Variants in DNAJC7 observed in about 807,000 individuals in gnomAD.
DNAJC7 encodes dnaJ homolog subfamily C member 7.
A neutral mutation model predicts 67.4 loss-of-function variants in DNAJC7; 18 were observed. That is an observed-to-expected ratio of 0.27 (90% CI 0.18 to 0.40). The LOEUF (loss-of-function observed/expected upper bound fraction) is 0.40. DNAJC7 is among the 10% of genes least tolerant of loss of function. DNAJC7 has a pLI of 1.00. For synonymous variants in DNAJC7, 220 were observed against 207.8 expected, an observed-to-expected ratio of 1.06 and a Z score of -0.50; for missense variants, 419 against 613.8, an observed-to-expected ratio of 0.68 and a Z score of 3.35.
In DNAJC7 at chr17:41,988,908, A is replaced by G. The variant is rs372858567; in HGVS notation, c.754-12T>C. On this transcript the variant is annotated splice_polypyrimidine_tract_variant and intron_variant, in intron 7 of 13. Transcript: ENST00000457167. ...AGTGCTTTGGCATTCTACAGAAAAA[A>G]GCAAGGGGAGGATCGGTTCATATCC... is the stretch of plus-strand genomic sequence containing the variant. 5.0e-6 allele frequency: 8 copies of G among 1,612,654 alleles called. No homozygotes were observed. Among genetic ancestry groups the G allele is most frequent in the Non-Finnish European group, 6.8e-6 (8 of 1,179,618 alleles).
At chr17:41,982,185 G>A in intron 11 of DNAJC7, 70 bp downstream of exon 11, 1 of 1,598,686 alleles carries the variant, frequency 6.3e-7, no homozygotes, top group Non-Finnish European at 8.5e-7. Context: ...GGTCCCCTCT[G>A]GACTGAGTGT....
intron 1 of DNAJC7, among the ~76,000 whole-genome samples, chr17:42,010,273 C>T (rs1356627366): frequency 2.0e-5 from 3 of 146,878 alleles, no homozygotes; most frequent in South Asian, 2.1e-4. Context: ...CACCTGAGGT[C>T]GGGAGTTCGA....
chr17:42,000,512 C>T lies in DNAJC7; in HGVS notation c.136G>A (p.Glu46Lys). Reference sequence around the variant, plus strand: ...GCTTTTGTATAATAATTATAAGCTTCATTGTAATCTTTCTTGGCATAGTAT... The same window carrying T: ...GCTTTTGTATAATAATTATAAGCTTTATTGTAATCTTTCTTGGCATAGTAT... ...NAYYAKKDYN[E>K]AYNYYTKAID... Residue 46 changes from glutamate to lysine, a missense_variant, in exon 2 of 14, where the codon GAA becomes AAA. By Grantham distance (56) the Glu-to-Lys change is moderately conservative. Coordinates refer to ENST00000457167, the MANE Select transcript of DNAJC7 (RefSeq NM_003315.4). 3 of 1,611,502 alleles carry T rather than the reference C, an allele frequency of 1.9e-6. No homozygotes were observed. The highest frequency in any genetic ancestry group is 2.5e-6 in the Non-Finnish European group (3 of 1,178,656).
chr17:42,017,159 G>A, intron 1 of DNAJC7, 181 bp downstream of exon 1: 2 of 1,500,020 alleles, frequency 1.3e-6, no homozygotes, highest in Non-Finnish European at 8.8e-7. Flanking sequence ...AGCGGGAGAG[G>A]AAGGCCGACC....
chr17:42,010,260 G>A (rs565878891), intron 1 of DNAJC7, among the ~76,000 whole-genome samples: 1 of 150,706 alleles, frequency 6.6e-6, no homozygotes, highest in Non-Finnish European at 1.5e-5. Context: ...AAGGCGGGTG[G>A]ATCACCTGAG....
chr17:41,996,361 A>T lies in DNAJC7; in HGVS notation c.355T>A (p.Phe119Ile). 6.2e-7 allele frequency: 1 copy of T among 1,614,024 alleles called. No individual in the cohort carries two copies. The highest frequency in any genetic ancestry group is 8.5e-7 in the Non-Finnish European group (1 of 1,179,892). Residue 119 changes from phenylalanine to isoleucine, a missense_variant, in exon 4 of 14, where the codon TTC becomes ATC. Transcript: ENST00000457167. ...LGNAMAACRSFQRALELDHKN... is the reference protein window; with the variant it reads ...LGNAMAACRSIQRALELDHKN... ...TGATCCAGTTCTAGGGCTCTCTGGA[A>T]GCTGCGACATGCTGCCATGGCATTC...
chr17:41,991,673 C>T (rs1421105929), intron 5 of DNAJC7, among the ~76,000 whole-genome samples: 3 of 152,124 alleles, frequency 2.0e-5, no homozygotes, highest in African/African-American at 4.8e-5. Context: ...TTCATACTTT[C>T]TAACTTTTGT....
intron 1 of DNAJC7, among the ~76,000 whole-genome samples, chr17:42,003,781 TAC>T (rs1280000027): frequency 2.0e-5 from 3 of 151,980 alleles, no homozygotes; most frequent in Non-Finnish European, 2.9e-5. Flanking sequence ...TAAATTAAAC[TAC>T]AGATTATTTT....
chr17:41,994,043 C>CAA (rs1159653783), intron 5 of DNAJC7, among the ~76,000 whole-genome samples: 1 of 100,702 alleles, frequency 9.9e-6, no homozygotes, highest in African/African-American at 3.8e-5. Flanking sequence ...AACTCTCTCT[C>CAA]AAAAAAAAAA....
chr17:42,017,334 G>A lies in DNAJC7; in HGVS notation c.77+6C>T, dbSNP rs1276199202. 3.1e-6 allele frequency: 5 copies of A among 1,611,660 alleles called. No homozygotes were observed. The South Asian group carries it at 3.3e-5, about 11-fold the overall frequency. ...CGCCTCCTCTACTACCCTGCTACCC[G>A]GTTACCTCTTCGCCTCTTGGTCGTC... On this transcript the variant is annotated splice_donor_region_variant and intron_variant, in intron 1 of 13. Coordinates refer to ENST00000457167, the MANE Select transcript of DNAJC7 (RefSeq NM_003315.4).
At chr17:41,989,634 T>C in intron 6 of DNAJC7, 77 bp from the exon 7 acceptor site, 1 of 1,557,726 alleles carries the variant, frequency 6.4e-7, no homozygotes, top group Non-Finnish European at 8.7e-7. Flanking sequence ...TGGCCAGTTT[T>C]CCTCCTTGAC....
chr17:42,010,752 C>T (rs567307199), intron 1 of DNAJC7, among the ~76,000 whole-genome samples: 1 of 152,136 alleles, frequency 6.6e-6, no homozygotes, highest in East Asian at 1.9e-4. Context: ...ATATTAGAAT[C>T]AAGAGAGATG....
chr17:42,005,441 T>A (rs1433387982), intron 1 of DNAJC7, among the ~76,000 whole-genome samples: 2 of 152,244 alleles, frequency 1.3e-5, no homozygotes, highest in African/African-American at 2.4e-5. Context: ...CTAGTCTAAC[T>A]TTTAGCAATT....
intron 2 of DNAJC7, 37 bp from the exon 3 acceptor site, chr17:41,997,276 G>A (rs368330328): frequency 2.4e-5 from 39 of 1,601,976 alleles, no homozygotes; most frequent in East Asian, 6.7e-5. Flanking sequence ...ACAAAGTTTA[G>A]AACAGGTCCC....
intron 1 of DNAJC7, among the ~76,000 whole-genome samples, chr17:42,009,413 A>C (rs1555650801): frequency 6.6e-6 from 1 of 152,234 alleles, no homozygotes; most frequent in Admixed American, 6.5e-5. Flanking sequence ...CCAGCCAGCA[A>C]GCTGTGCCTG....
At chr17:42,005,116 A>G (rs1316941132) in intron 1 of DNAJC7, among the ~76,000 whole-genome samples, 2 of 152,230 alleles carry the variant, frequency 1.3e-5, no homozygotes, top group African/African-American at 4.8e-5. Context: ...TATCCTTTAG[A>G]CATGTAGTTA....
At position 41,990,788 on chromosome 17, in the gene DNAJC7, T is replaced by A. The variant is rs563371268; in HGVS notation, c.481-406A>T. 2.0e-5 allele frequency among the ~76,000 whole-genome samples: 3 copies of A among 151,848 alleles called. No individual in the cohort carries two copies. In the South Asian group the frequency reaches 6.3e-4, roughly 32 times the overall value. On this transcript the variant is annotated intron_variant, in intron 5 of 13. Transcript: ENST00000457167. Reference sequence around the variant, plus strand: ...TTCACGCCATTCTCCTGCCTCAGCCTCCCGAGTAGCTGGGACTACAGGCGC... The same window carrying A: ...TTCACGCCATTCTCCTGCCTCAGCCACCCGAGTAGCTGGGACTACAGGCGC...
intron 5 of DNAJC7, chr17:41,992,709 G>A (rs555037721): frequency 6.6e-6 from 1 of 152,192 alleles, no homozygotes. Context: ...CCCATGACTA[G>A]GGACAGCTGC....
At chr17:42,017,304 C>G in intron 1 of DNAJC7, 36 bp downstream of exon 1, 1 of 1,610,036 alleles carries the variant, frequency 6.2e-7, no homozygotes. Context: ...CACGGAGCTG[C>G]AGGTCGCCTC....
Sources: allele counts gnomAD v4.1 joint callset (sites outside exome capture counted in the v4.1 genomes callset), GRCh38; gene constraint gnomAD v4.1.1; transcripts MANE v1.5; gene names NCBI Gene and HGNC (gene_info 2026-07-23, HGNC 2026-07-21).